Variants in PHF21A observed in about 807,000 individuals in gnomAD.
PHF21A encodes the protein PHD finger protein 21A, also known as BHC80a.
PHF21A carries 11 observed loss-of-function variants against 82.5 expected under a neutral mutation model. The ratio of observed to expected loss-of-function variants is 0.13; its 90% CI spans 0.08 to 0.22. PHF21A has a LOEUF of 0.22. Among genes scored for constraint, PHF21A ranks in the 10% least tolerant of loss-of-function variants. PHF21A has a pLI of 1.00. For missense variants in PHF21A, 579 were observed against 837.8 expected (o/e 0.69, Z 3.81); for synonymous variants, 297 against 302.8 (o/e 0.98, Z 0.20).
intron 4 of PHF21A, 85 bp from the exon 5 acceptor site, chr11:46,079,251 T>C (rs2096762012): frequency 4.3e-6 from 4 of 934,418 alleles, no homozygotes; most frequent in South Asian, 1.6e-5. Flanking sequence ...AAATCTAGGA[T>C]TTTAAGTTAA....
chr11:45,963,259 A>C (rs1321842472), intron 10 of PHF21A, among the ~76,000 whole-genome samples: 4 of 151,896 alleles, frequency 2.6e-5, no homozygotes, highest in Non-Finnish European at 4.4e-5. Flanking sequence ...GTCTCTACTA[A>C]AAATACAAAA....
At position 46,097,132 on chromosome 11, in the gene PHF21A, G is replaced by T. The variant is rs569478204; in HGVS notation, c.-236-4909C>A. 9.3e-4 allele frequency among the ~76,000 whole-genome samples: 141 copies of T among 152,044 alleles called. 1 individual carries two copies. Among genetic ancestry groups the T allele is most frequent in the Middle Eastern group, 3.4e-3 (1 of 294 alleles). Reference sequence around the variant, plus strand: ...ACCTTCACCTTTCACCTAGATAATTGCAACAGCCTCCTAACTGGCCTCCCC... The same window carrying T: ...ACCTTCACCTTTCACCTAGATAATTTCAACAGCCTCCTAACTGGCCTCCCC... On this transcript the variant is annotated intron_variant, in intron 1 of 18. Transcript: ENST00000676320.
chr11:45,987,763 G>C (rs1274457029), intron 6 of PHF21A, among the ~76,000 whole-genome samples: 1 of 146,020 alleles, frequency 6.8e-6, no homozygotes, highest in South Asian at 2.2e-4. Context: ...AGCTCCAATA[G>C]AGCAAAACGT....
At chr11:46,018,453 T>C (rs904471771) in intron 6 of PHF21A, among the ~76,000 whole-genome samples, 7 of 152,078 alleles carry the variant, frequency 4.6e-5, no homozygotes, top group Non-Finnish European at 5.9e-5. Context: ...GAAAAATCTA[T>C]AGGGGAAAAA....
chr11:46,071,240 T>TA (rs2096653607), intron 6 of PHF21A, among the ~76,000 whole-genome samples: 1 of 152,186 alleles, frequency 6.6e-6, no homozygotes, highest in Non-Finnish European at 1.5e-5. Context: ...TGCTCTTAGG[T>TA]AAACTACAAA....
intron 6 of PHF21A, among the ~76,000 whole-genome samples, chr11:46,062,410 T>C (rs1009040331): frequency 2.6e-5 from 4 of 152,170 alleles, no homozygotes; most frequent in Non-Finnish European, 4.4e-5. Context: ...GTCTCTTCCA[T>C]CTATTTATTG....
At chr11:46,011,415 G>GT (rs1220761783) in intron 6 of PHF21A, among the ~76,000 whole-genome samples, 1 of 152,108 alleles carries the variant, frequency 6.6e-6, no homozygotes, top group African/African-American at 2.4e-5. Context: ...CCTGAGCCCA[G>GT]TAGGTGGAGG....
At chr11:46,087,110 T>G (rs1055648346) in intron 3 of PHF21A, among the ~76,000 whole-genome samples, 1 of 152,236 alleles carries the variant, frequency 6.6e-6, no homozygotes, top group Admixed American at 6.5e-5. Flanking sequence ...GTAGTAGCAC[T>G]GTCAGTTATT....
At chr11:46,066,769 G>T (rs768607195) in intron 6 of PHF21A, among the ~76,000 whole-genome samples, 9 of 152,076 alleles carry the variant, frequency 5.9e-5, no homozygotes, top group African/African-American at 9.7e-5. Context: ...AGTTAAACGT[G>T]CTAGCTCTCT....
intron 6 of PHF21A, among the ~76,000 whole-genome samples, chr11:46,037,318 C>A (rs1038486410): frequency 3.9e-5 from 6 of 152,152 alleles, no homozygotes; most frequent in Admixed American, 2.6e-4. Flanking sequence ...AAATTCCATT[C>A]TCTTCTAGCC....
Position 46,121,060 on chromosome 11 carries a change from G to C in PHF21A, c.-362C>G, listed in dbSNP as rs1264904556. ...AGGGAGGGAAGAAGCTGGAGCTGCT[G>C]CTGCTGCTTCTGCTGCTGCTCTGGG... On this transcript the variant is annotated 5_prime_UTR_variant, in exon 1 of 19. Coordinates refer to ENST00000676320, the MANE Select transcript of PHF21A (RefSeq NM_001352027.3). 6.4e-6 allele frequency: 1 copy of C among 155,900 alleles called. No individual in the cohort carries two copies. The highest frequency in any genetic ancestry group is 1.4e-5 in the Non-Finnish European group (1 of 71,146). 9.7% of individuals were successfully genotyped at this position (155,900 alleles called of 1,614,324 possible). A position where few individuals can be genotyped will look rare whatever the true frequency, so the allele number is the denominator to read the frequency against.
At chr11:45,959,507 A>C (rs1386376731) in intron 10 of PHF21A, among the ~76,000 whole-genome samples, 1 of 152,190 alleles carries the variant, frequency 6.6e-6, no homozygotes, top group Non-Finnish European at 1.5e-5. Flanking sequence ...GTTTGCTTTC[A>C]CCATTGCTAT....
intron 6 of PHF21A, among the ~76,000 whole-genome samples, chr11:46,046,882 T>G (rs1269189781): frequency 1.3e-5 from 2 of 152,260 alleles, no homozygotes; most frequent in East Asian, 3.9e-4. Context: ...TTGGCACTGC[T>G]CCCCATGATG....
chr11:45,941,708 G>C (rs1013654887), intron 15 of PHF21A, among the ~76,000 whole-genome samples: 5 of 152,202 alleles, frequency 3.3e-5, no homozygotes, highest in African/African-American at 1.2e-4. Flanking sequence ...AAAATGCTTA[G>C]GCTTTGATGA....
At chr11:46,037,995 CTT>C (rs1187101086) in intron 6 of PHF21A, among the ~76,000 whole-genome samples, 1 of 152,062 alleles carries the variant, frequency 6.6e-6, no homozygotes, top group Non-Finnish European at 1.5e-5. Flanking sequence ...ATTTCCATCT[CTT>C]TGACACTTGC....
Position 46,014,991 on chromosome 11 carries a change from A to T in PHF21A, c.154-35025T>A, listed in dbSNP as rs554097720. ...CGAGACTCCGTCTCAAAAAAAAAAA[A>T]AAATAAAAATAAAAAAATAAAAAAA... On this transcript the variant is annotated intron_variant, in intron 6 of 18. Transcript: ENST00000676320. 2.1e-3 allele frequency among the ~76,000 whole-genome samples: 97 copies of T among 46,648 alleles called. 27 individuals are homozygous for T. In the Middle Eastern group the frequency reaches 0.023, roughly 11 times the overall value. The allele number at this position is 46,648 out of a possible 152,430, so 30.6% of individuals were successfully genotyped here. A position where few individuals can be genotyped will look rare whatever the true frequency, so the allele number is the denominator to read the frequency against.
intron 6 of PHF21A, among the ~76,000 whole-genome samples, chr11:45,998,504 T>C (rs752662117): frequency 6.6e-6 from 1 of 152,114 alleles, no homozygotes; most frequent in Non-Finnish European, 1.5e-5. Context: ...AAAATAACTC[T>C]ACCATTTCTT....
intron 15 of PHF21A, among the ~76,000 whole-genome samples, chr11:45,945,622 G>A (rs1002527189): frequency 6.6e-6 from 1 of 152,132 alleles, no homozygotes; most frequent in Non-Finnish European, 1.5e-5. Flanking sequence ...GGCTGGCTGA[G>A]TTCCATGAGG....
chr11:45,989,537 T>C (rs4756048), intron 6 of PHF21A, among the ~76,000 whole-genome samples: 129,826 of 147,782 alleles, frequency 0.88, 57,259 homozygotes, highest in East Asian at 1. Context: ...GGCCTGATGT[T>C]GCGCACCTGT....
Sources: gnomAD v4.1 joint callset for allele counts (sites outside exome capture counted in the v4.1 genomes callset) on GRCh38, gnomAD v4.1.1 for gene constraint, MANE v1.5 for transcripts, NCBI Gene and HGNC (gene_info 2026-07-23, HGNC 2026-07-21) for gene names.